PARD3B: variants seen among roughly 807,000 people sequenced by gnomAD.
PARD3B encodes the protein par-3 family cell polarity regulator beta, also known as partitioning defective 3 homolog B.
In PARD3B, 103 loss-of-function variants were observed where a neutral mutation model predicts 130.2. That is an observed-to-expected ratio of 0.79 (90% CI 0.67 to 0.93). The LOEUF (loss-of-function observed/expected upper bound fraction) is 0.93. Ranked by LOEUF, PARD3B falls within the 40% of genes least tolerant of loss-of-function variation. The pLI is 0.00. For synonymous variants in PARD3B, 583 were observed against 553.2 expected (o/e 1.05, Z -0.76); for missense variants, 1,609 against 1,499.2 (o/e 1.07, Z -1.21).
chr2:204,718,976 A>G (rs999461351), intron 2 of PARD3B, among the ~76,000 whole-genome samples: 1 of 152,236 alleles, frequency 6.6e-6, no homozygotes, highest in Non-Finnish European at 1.5e-5. Flanking sequence ...GCCTCGTTTC[A>G]GGACACATTG....
rs74601521 is a variant in PARD3B, at chr2:204,964,725, T to A, written c.223-427T>A. Among the ~76,000 whole-genome samples, 95 of 152,308 alleles carry A rather than the reference T, an allele frequency of 6.2e-4. 1 individual carries two copies. Among genetic ancestry groups the A allele is most frequent in the Middle Eastern group, 3.4e-3 (1 of 294 alleles). On this transcript the variant is annotated intron_variant, in intron 2 of 22. Coordinates refer to ENST00000406610, the MANE Select transcript of PARD3B (RefSeq NM_001302769.2). ...GGCATCTTGTAATGTGTTTTAGGTC[T>A]CCGAGACTGGAATAACCTCCCTATA...
intron 2 of PARD3B, among the ~76,000 whole-genome samples, chr2:204,718,970 C>T (rs374460030): frequency 2.0e-5 from 3 of 152,138 alleles, no homozygotes; most frequent in Non-Finnish European, 2.9e-5. Flanking sequence ...AGTTCTGCCT[C>T]GTTTCAGGAC....
intron 3 of PARD3B, among the ~76,000 whole-genome samples, chr2:205,043,604 G>C (rs1278167395): frequency 6.6e-6 from 1 of 152,066 alleles, no homozygotes; most frequent in Non-Finnish European, 1.5e-5. Context: ...TAGAGGTTAT[G>C]TTTCCTTTAC....
At chr2:205,252,290 T>C (rs1281369690) in intron 16 of PARD3B, among the ~76,000 whole-genome samples, 1 of 152,178 alleles carries the variant, frequency 6.6e-6, no homozygotes, top group Non-Finnish European at 1.5e-5. Context: ...TCTACACAGA[T>C]ATTGTGTTAA....
intron 1 of PARD3B, among the ~76,000 whole-genome samples, chr2:204,618,344 A>G (rs2034184246): frequency 6.6e-6 from 1 of 152,168 alleles, no homozygotes; most frequent in Non-Finnish European, 1.5e-5. Context: ...TCTGCCATGT[A>G]CCACTGGAGG....
intron 3 of PARD3B, among the ~76,000 whole-genome samples, chr2:205,034,815 T>G (rs1034355266): frequency 6.6e-6 from 1 of 152,122 alleles, no homozygotes; most frequent in Non-Finnish European, 1.5e-5. Flanking sequence ...ATCTCGATAT[T>G]ATACTTTTTT....
intron 15 of PARD3B, among the ~76,000 whole-genome samples, chr2:205,209,846 T>C (rs991611283): frequency 1.3e-5 from 2 of 152,034 alleles, no homozygotes; most frequent in Non-Finnish European, 2.9e-5. Flanking sequence ...TTTGATAGTA[T>C]GACAGAGTGA....
chr2:204,706,369 A>T (rs1483181109), intron 2 of PARD3B, among the ~76,000 whole-genome samples: 1 of 146,590 alleles, frequency 6.8e-6, no homozygotes, highest in Non-Finnish European at 1.5e-5. Context: ...TCTGTCTCAA[A>T]AAAAAAAAAA....
At chr2:205,055,064 C>G (rs552915119) in intron 4 of PARD3B, among the ~76,000 whole-genome samples, 3 of 152,084 alleles carry the variant, frequency 2.0e-5, no homozygotes, top group Non-Finnish European at 4.4e-5. Context: ...CCAGTGTATT[C>G]GTTTTTGTAT....
intron 18 of PARD3B, among the ~76,000 whole-genome samples, chr2:205,374,272 G>A (rs1023527424): frequency 4.0e-5 from 6 of 151,232 alleles, no homozygotes; most frequent in African/African-American, 7.3e-5. Flanking sequence ...AATCTTTCTC[G>A]GTAGCCCAGG....
chr2:204,587,002 A>G (rs1202738591), intron 1 of PARD3B, among the ~76,000 whole-genome samples: 1 of 152,222 alleles, frequency 6.6e-6, no homozygotes, highest in Non-Finnish European at 1.5e-5. Flanking sequence ...AATGCTAGAT[A>G]ATGGCACAAA....
intron 11 of PARD3B, among the ~76,000 whole-genome samples, chr2:205,170,149 C>T (rs1435752166): frequency 3.3e-5 from 5 of 152,104 alleles, no homozygotes; most frequent in African/African-American, 1.2e-4. Context: ...AGACTGGTCT[C>T]GAACTCCTGA....
intron 20 of PARD3B, among the ~76,000 whole-genome samples, chr2:205,449,391 A>G (rs1351572563): frequency 6.6e-6 from 1 of 151,292 alleles, no homozygotes; most frequent in Non-Finnish European, 1.5e-5. Context: ...CACCACGCCC[A>G]GCTAATTTTT....
intron 3 of PARD3B, among the ~76,000 whole-genome samples, chr2:205,002,507 C>G (rs1694929268): frequency 1.3e-5 from 2 of 152,186 alleles, no homozygotes; most frequent in South Asian, 4.1e-4. Context: ...TCATCCTTGT[C>G]TCCTCTCTGC....
At chr2:204,737,599 T>G (rs534481772) in intron 2 of PARD3B, among the ~76,000 whole-genome samples, 5 of 152,218 alleles carry the variant, frequency 3.3e-5, no homozygotes, top group Non-Finnish European at 7.3e-5. Flanking sequence ...GTTCCATTTA[T>G]TTGTTTTTGT....
rs1697133559 is a variant in PARD3B, at chr2:205,027,689, A to G, written c.395-19892A>G. Among the ~76,000 whole-genome samples, 5 of 152,004 alleles carry G rather than the reference A, an allele frequency of 3.3e-5. No homozygotes were observed. In the South Asian group the frequency reaches 1.0e-3, roughly 32 times the overall value. On this transcript the variant is annotated intron_variant, in intron 3 of 22. Coordinates refer to ENST00000406610, the MANE Select transcript of PARD3B (RefSeq NM_001302769.2). ...CTGTGCTTTTTCCTAGGAATTTTAC[A>G]TTTTCAGATGTTACATTTAAGTCGT...
intron 22 of PARD3B, among the ~76,000 whole-genome samples, chr2:205,582,372 T>C (rs1038439331): frequency 3.3e-5 from 5 of 152,200 alleles, no homozygotes; most frequent in South Asian, 2.1e-4. Context: ...CTTTTAAGAA[T>C]ACCATTACAA....
chr2:205,615,372 C>A, intron 22 of PARD3B, 84 bp from the exon 23 acceptor site: 1 of 1,206,588 alleles, frequency 8.3e-7, no homozygotes, highest in Non-Finnish European at 1.2e-6. Flanking sequence ...CCACACCAAA[C>A]TGCACAGGAG....
Position 205,047,607 on chromosome 2 carries a change from A to G in PARD3B, c.421A>G (p.Ser141Gly). ...LGTPLLVRRS[S>G]DPVPGPPADT... The stretch of plus-strand genomic sequence containing the variant: ...CACTCCACTGCTGGTGAGGAGAAGC[A>G]GTGACCCAGTGCCAGGCCCACCTGC... The change falls in exon 4 of 23, where the codon AGT becomes GGT. Residue 141 changes from serine to glycine, a missense_variant. Ser to Gly is a moderately conservative substitution (Grantham distance 56, BLOSUM62 0). Coordinates refer to ENST00000406610, the MANE Select transcript of PARD3B (RefSeq NM_001302769.2). The G allele has an allele frequency of 6.5e-7, 1 of 1,550,328 alleles. No individual in the cohort carries two copies. The highest frequency in any genetic ancestry group is 8.7e-7 in the Non-Finnish European group (1 of 1,146,832).
Sources: gnomAD v4.1 joint callset for allele counts (sites outside exome capture counted in the v4.1 genomes callset) on GRCh38, gnomAD v4.1.1 for gene constraint, MANE v1.5 for transcripts, NCBI Gene and HGNC (gene_info 2026-07-23, HGNC 2026-07-21) for gene names.